The following ARHGAP24 variants were observed in gnomAD, a reference collection of about 807,000 sequenced individuals.
The protein encoded by ARHGAP24 is Rho GTPase activating protein 24.
Under a neutral mutation model 76.4 loss-of-function variants are expected in ARHGAP24, and 50 were observed. The observed-to-expected ratio is 0.65, with a 90% CI of 0.52 to 0.83. The LOEUF (loss-of-function observed/expected upper bound fraction) is 0.83. ARHGAP24 is among the 40% of genes least tolerant of loss of function. The probability of loss-of-function intolerance (pLI) is 0.00; values close to 1 mark genes in which losing one functional copy is unlikely to be tolerated. For missense variants in ARHGAP24, 930 were observed against 914.2 expected (o/e 1.02, Z -0.22); for synonymous variants, 345 against 323.3 (o/e 1.07, Z -0.72).
At chr4:85,599,220 G>A (rs1349991191) in intron 2 of ARHGAP24, among the ~76,000 whole-genome samples, 1 of 152,094 alleles carries the variant, frequency 6.6e-6, no homozygotes, top group Non-Finnish European at 1.5e-5. Flanking sequence ...AGAAGAAGGA[G>A]TTGGCATAGG....
intron 2 of ARHGAP24, among the ~76,000 whole-genome samples, chr4:85,649,799 A>G (rs893218183): frequency 2.6e-5 from 4 of 152,158 alleles, no homozygotes; most frequent in African/African-American, 9.6e-5. Context: ...GCACTGTGTG[A>G]TGTCCTGCAT....
At chr4:85,972,295 T>TCA in intron 6 of ARHGAP24, 127 bp downstream of exon 6, 1 of 1,243,278 alleles carries the variant, frequency 8.0e-7, no homozygotes, top group Non-Finnish European at 1.1e-6. Flanking sequence ...TGAATTGACC[T>TCA]CACACACACT....
chr4:85,695,379 G>A (rs1397973304), intron 2 of ARHGAP24, among the ~76,000 whole-genome samples: 2 of 152,132 alleles, frequency 1.3e-5, no homozygotes, highest in African/African-American at 2.4e-5. Flanking sequence ...GTATGGGGAA[G>A]GTTTAGCTAA....
At chr4:85,954,798 G>A (rs546924095) in intron 5 of ARHGAP24, among the ~76,000 whole-genome samples, 21 of 152,196 alleles carry the variant, frequency 1.4e-4, no homozygotes, top group African/African-American at 4.1e-4. Context: ...ACCTGAGGTC[G>A]GGAGTTCAAG....
chr4:85,937,887 G>A, intron 4 of ARHGAP24, among the ~76,000 whole-genome samples: 1 of 152,206 alleles, frequency 6.6e-6, no homozygotes, highest in East Asian at 1.9e-4. Context: ...ACTGGGAATT[G>A]AGGAGCAAAG....
chr4:85,758,063 GA>G (rs34718407), intron 3 of ARHGAP24, among the ~76,000 whole-genome samples: 31 of 151,464 alleles, frequency 2.0e-4, no homozygotes, highest in African/African-American at 5.6e-4. Flanking sequence ...GAAGAAGGGG[GA>G]AAAAAAAGCC....
intron 3 of ARHGAP24, among the ~76,000 whole-genome samples, chr4:85,883,717 T>A (rs1191744640): frequency 1.3e-5 from 2 of 152,182 alleles, no homozygotes; most frequent in Non-Finnish European, 2.9e-5. Flanking sequence ...GGAGAAATGA[T>A]ATGGTTACAT....
At chr4:85,902,223 A>G (rs868049764) in intron 3 of ARHGAP24, among the ~76,000 whole-genome samples, 2 of 152,136 alleles carry the variant, frequency 1.3e-5, no homozygotes, top group East Asian at 3.8e-4. Context: ...ACTGAACCCT[A>G]TTCTTCATGG....
chr4:85,996,080 A>G (rs879755751), intron 9 of ARHGAP24, among the ~76,000 whole-genome samples: 2 of 152,204 alleles, frequency 1.3e-5, no homozygotes, highest in Non-Finnish European at 2.9e-5. Flanking sequence ...AGAAGTAAAT[A>G]GACCTCCATG....
At chr4:85,695,701 AG>A (rs1246099306) in intron 2 of ARHGAP24, among the ~76,000 whole-genome samples, 2 of 152,234 alleles carry the variant, frequency 1.3e-5, no homozygotes, top group Non-Finnish European at 2.9e-5. Flanking sequence ...CAAATAAATT[AG>A]AGATGAATGT....
At chr4:85,512,548 A>T (rs1395303140) in intron 1 of ARHGAP24, among the ~76,000 whole-genome samples, 1 of 152,180 alleles carries the variant, frequency 6.6e-6, no homozygotes, top group Non-Finnish European at 1.5e-5. Flanking sequence ...TTAAAAGTTT[A>T]TCAGCTGTAT....
intron 2 of ARHGAP24, among the ~76,000 whole-genome samples, chr4:85,626,156 T>A (rs1030039778): frequency 2.0e-5 from 3 of 152,258 alleles, no homozygotes; most frequent in African/African-American, 7.2e-5. Flanking sequence ...ATGCAGTTTC[T>A]TCCTAGCCTT....
intron 8 of ARHGAP24, among the ~76,000 whole-genome samples, chr4:85,979,404 T>C (rs1339913147): frequency 6.6e-6 from 1 of 152,172 alleles, no homozygotes; most frequent in Non-Finnish European, 1.5e-5. Flanking sequence ...TCACATAGTC[T>C]TGCAGCCATC....
chr4:85,791,315 T>C (rs1578232219), intron 3 of ARHGAP24, among the ~76,000 whole-genome samples: 1 of 152,162 alleles, frequency 6.6e-6, no homozygotes, highest in Admixed American at 6.5e-5. Flanking sequence ...CATATTCAGA[T>C]TGAGCAAGAA....
intron 2 of ARHGAP24, among the ~76,000 whole-genome samples, chr4:85,668,266 G>A (rs1262036625): frequency 2.0e-5 from 3 of 152,158 alleles, no homozygotes; most frequent in Non-Finnish European, 4.4e-5. Flanking sequence ...TTTCTCTGTT[G>A]TCAGGTTAAA....
intron 3 of ARHGAP24, among the ~76,000 whole-genome samples, chr4:85,910,606 G>A (rs1242295656): frequency 1.3e-5 from 2 of 152,128 alleles, no homozygotes; most frequent in Non-Finnish European, 2.9e-5. Context: ...CAGCAGACAG[G>A]AGGCCCTGGA....
At chr4:85,669,523 C>A (rs1409571503) in intron 2 of ARHGAP24, among the ~76,000 whole-genome samples, 2 of 151,320 alleles carry the variant, frequency 1.3e-5, no homozygotes, top group African/African-American at 4.9e-5. Context: ...TAAAAAGGTA[C>A]GTATGTTTGT....
At chr4:85,572,655 G>A (rs1174416321) in intron 2 of ARHGAP24, among the ~76,000 whole-genome samples, 3 of 151,920 alleles carry the variant, frequency 2.0e-5, no homozygotes, top group Non-Finnish European at 2.9e-5. Context: ...ACATTAGCAT[G>A]TTACTAGTAT....
At chr4:85,889,032 G>A (rs1373748323) in intron 3 of ARHGAP24, among the ~76,000 whole-genome samples, 1 of 152,032 alleles carries the variant, frequency 6.6e-6, no homozygotes, top group Non-Finnish European at 1.5e-5. Context: ...TTATTTGATG[G>A]GCATTTAGCT....
Sources: gnomAD v4.1 joint callset for allele counts (sites outside exome capture counted in the v4.1 genomes callset) on GRCh38, gnomAD v4.1.1 for gene constraint, MANE v1.5 for transcripts, NCBI Gene and HGNC (gene_info 2026-07-23, HGNC 2026-07-21) for gene names.